Variants in IRF8 observed in about 807,000 individuals in gnomAD.
The protein encoded by IRF8 is interferon consensus sequence binding protein 1.
A neutral mutation model predicts 48.7 loss-of-function variants in IRF8; 14 were observed. The ratio of observed to expected loss-of-function variants is 0.29; its 90% CI spans 0.19 to 0.45. The LOEUF is 0.45. Among genes scored for constraint, IRF8 ranks in the 20% least tolerant of loss-of-function variants. IRF8 has a pLI of 1.00. For missense variants in IRF8, 493 were observed against 580.7 expected (o/e 0.85, Z 1.55); for synonymous variants, 278 against 227.3 (o/e 1.22, Z -2.01).
intron 4 of IRF8, 67 bp downstream of exon 4, chr16:85,911,725 G>C (rs1905149822): frequency 2.2e-6 from 3 of 1,378,608 alleles, no homozygotes; most frequent in Non-Finnish European, 2.1e-6. Context: ...CTGGCAGGGA[G>C]GGGCACCGTT....
chr16:85,903,874 C>T (rs1224392300), intron 2 of IRF8, among the ~76,000 whole-genome samples: 1 of 152,178 alleles, frequency 6.6e-6, no homozygotes, highest in Non-Finnish European at 1.5e-5. Context: ...GTTGAGGTCT[C>T]ACAGCTCTTG....
chr16:85,918,290 G>T, intron 6 of IRF8, 127 bp from the exon 7 acceptor site: 3 of 1,083,414 alleles, frequency 2.8e-6, no homozygotes, highest in Non-Finnish European at 4.0e-6. Flanking sequence ...GATTTCCCCA[G>T]AATATCAAAG....
chr16:85,914,723 T>C (rs11649271), intron 6 of IRF8, among the ~76,000 whole-genome samples: 19,036 of 145,276 alleles, frequency 0.13, 1,312 homozygotes, highest in Non-Finnish European at 0.14. Flanking sequence ...AGTCTAGGCC[T>C]GGTTCTGAGG....
intron 6 of IRF8, 138 bp from the exon 7 acceptor site, chr16:85,918,279 G>A: frequency 1.0e-6 from 1 of 970,932 alleles, no homozygotes; most frequent in Non-Finnish European, 1.5e-6. Context: ...AGCAGTACAT[G>A]GATTTCCCCA....
rs1265749712 is a variant in IRF8, at chr16:85,914,528, G to A, written c.601+8G>A. 2 of 1,614,080 alleles carry A rather than the reference G, an allele frequency of 1.2e-6. No homozygotes were observed. Among genetic ancestry groups the A allele is most frequent in the East Asian group, 2.2e-5 (1 of 44,878 alleles). On this transcript the variant is annotated splice_region_variant and intron_variant, in intron 6 of 8. Coordinates refer to ENST00000268638, the MANE Select transcript of IRF8 (RefSeq NM_002163.4). ...ACGACGCGCACCATTCAGGTACGGG[G>A]TGGTCCGGGCTGAGAGGGGCGTGGG...
rs537343928 is a variant in IRF8 at position 85,922,505 on chromosome 16, C to T, written c.*1223C>T. 1.3e-5 allele frequency: 2 copies of T among 152,462 alleles called. No homozygotes were observed. The highest frequency in any genetic ancestry group is 4.1e-4 in the South Asian group (2 of 4,822). 9.4% of individuals were successfully genotyped at this position (152,462 alleles called of 1,614,324 possible). A position where few individuals can be genotyped will look rare whatever the true frequency, so the allele number is the denominator to read the frequency against. ...TCTCCAATTCAAATGAATGTCAAAG[C>T]ACATATCTTTAATATGCTGAATGAA... On this transcript the variant is annotated 3_prime_UTR_variant, in exon 9 of 9. Transcript: ENST00000268638.
chr16:85,905,607 C>G (rs1020465198), intron 2 of IRF8, among the ~76,000 whole-genome samples: 4 of 152,164 alleles, frequency 2.6e-5, no homozygotes, highest in Non-Finnish European at 5.9e-5. Flanking sequence ...ATGGCGCCAG[C>G]AAGAGCCCAT....
At chr16:85,906,937 GA>G (rs1905023957) in intron 2 of IRF8, among the ~76,000 whole-genome samples, 1 of 152,148 alleles carries the variant, frequency 6.6e-6, no homozygotes, top group Non-Finnish European at 1.5e-5. Flanking sequence ...CCACGGTGGG[GA>G]AACCCTGATT....
At chr16:85,905,472 G>A (rs1361754933) in intron 2 of IRF8, among the ~76,000 whole-genome samples, 2 of 152,212 alleles carry the variant, frequency 1.3e-5, no homozygotes, top group African/African-American at 2.4e-5. Context: ...CGTTGGTTAC[G>A]CAGTCGCCTG....
At chr16:85,917,963 C>CT (rs1241163948) in intron 6 of IRF8, among the ~76,000 whole-genome samples, 3 of 152,180 alleles carry the variant, frequency 2.0e-5, no homozygotes, top group Admixed American at 6.5e-5. Context: ...AAGATTATGT[C>CT]TTTATTTTCT....
chr16:85,918,123 AAC>A lies in IRF8; in HGVS notation c.602-292_602-291del, dbSNP rs1178427668. Among the ~76,000 whole-genome samples, 20 of 152,342 alleles carry A rather than the reference AAC, an allele frequency of 1.3e-4. No homozygotes were observed. The South Asian group carries it at 2.7e-3, about 21-fold the overall frequency. On this transcript the variant is annotated intron_variant, in intron 6 of 8. Coordinates refer to ENST00000268638, the MANE Select transcript of IRF8 (RefSeq NM_002163.4). ...GCCCTCAGCTTGACGTGTAAATTAC[AAC>A]AGTTACCAGACCTTCTCTAGACCTT...
At position 85,922,591 on chromosome 16, in the gene IRF8, A is replaced by G. The variant is rs941515359; in HGVS notation, c.*1309A>G. On this transcript the variant is annotated 3_prime_UTR_variant, in exon 9 of 9. Transcript: ENST00000268638. ...TCTCTTTTATTCTTTATTAAAATAA[A>G]ATGCTCTTTTTTAAAGCTGCTGTGT... The G allele has an allele frequency of 1.3e-5, 2 of 152,202 alleles. No individual in the cohort carries two copies. Among genetic ancestry groups the G allele is most frequent in the Non-Finnish European group, 2.9e-5 (2 of 68,034 alleles). The allele number at this position is 152,202 out of a possible 1,614,324, so 9.4% of individuals were successfully genotyped here. A position where few individuals can be genotyped will look rare whatever the true frequency, so the allele number is the denominator to read the frequency against.
chr16:85,914,345 T>C, intron 5 of IRF8, 128 bp from the exon 6 acceptor site: 2 of 1,006,646 alleles, frequency 2.0e-6, no homozygotes, highest in Non-Finnish European at 3.1e-6. Flanking sequence ...CGGAAGCCTG[T>C]GCTCCCTGGA....
intron 1 of IRF8, among the ~76,000 whole-genome samples, chr16:85,899,523 T>A (rs893173470): frequency 6.6e-6 from 1 of 152,232 alleles, no homozygotes; most frequent in Non-Finnish European, 1.5e-5. Flanking sequence ...AGAGCTCATA[T>A]AATGAACGGC....
intron 6 of IRF8, 140 bp from the exon 7 acceptor site, chr16:85,918,277 A>G: frequency 2.1e-6 from 2 of 951,618 alleles, no homozygotes; most frequent in Non-Finnish European, 3.1e-6. Flanking sequence ...CAAGCAGTAC[A>G]TGGATTTCCC....
intron 1 of IRF8, chr16:85,902,594 A>T (rs1198111036): frequency 1.1e-5 from 3 of 261,574 alleles, no homozygotes; most frequent in Non-Finnish European, 2.3e-5. Context: ...CTGGTAGCCC[A>T]GTTGGTTCTT....
intron 6 of IRF8, 86 bp downstream of exon 6, chr16:85,914,606 G>A: frequency 6.9e-7 from 1 of 1,459,288 alleles, no homozygotes; most frequent in Non-Finnish European, 9.5e-7. Flanking sequence ...GGGGTTTCGA[G>A]GATGAGCAGG....
chr16:85,919,765 G>A (rs916483674), intron 7 of IRF8, among the ~76,000 whole-genome samples: 3 of 152,204 alleles, frequency 2.0e-5, no homozygotes, highest in Non-Finnish European at 4.4e-5. Flanking sequence ...GAGGGCTGCA[G>A]CCCTCCCTGG....
intron 2 of IRF8, among the ~76,000 whole-genome samples, chr16:85,905,700 C>T (rs1184725111): frequency 2.0e-5 from 3 of 152,214 alleles, no homozygotes; most frequent in Non-Finnish European, 4.4e-5. Context: ...AGATCTTTGG[C>T]TGTTGGATGA....
Sources: gnomAD v4.1 joint callset for allele counts (sites outside exome capture counted in the v4.1 genomes callset) on GRCh38, gnomAD v4.1.1 for gene constraint, MANE v1.5 for transcripts, NCBI Gene and HGNC (gene_info 2026-07-23, HGNC 2026-07-21) for gene names.